Variants in SLC25A27 observed in about 807,000 individuals in gnomAD.
The protein encoded by SLC25A27 is solute carrier family 25 member 27.
A neutral mutation model predicts 49.1 loss-of-function variants in SLC25A27; 35 were observed. The observed-to-expected ratio is 0.71, with a 90% CI of 0.54 to 0.95. The LOEUF is 0.95. Ranked by LOEUF, SLC25A27 falls within the 40% of genes least tolerant of loss-of-function variation. The pLI is 0.00. For synonymous variants in SLC25A27, 144 were observed against 136.9 expected, an observed-to-expected ratio of 1.05 and a Z score of -0.36; for missense variants, 339 against 397.1, an observed-to-expected ratio of 0.85 and a Z score of 1.24.
At chr6:46,663,884 A>G (rs1763242434) in intron 4 of SLC25A27, among the ~76,000 whole-genome samples, 1 of 152,186 alleles carries the variant, frequency 6.6e-6, no homozygotes, top group South Asian at 2.1e-4. Context: ...TTAGAATCAT[A>G]TTATATACCT....
chr6:46,660,194 T>A (rs1340285212), intron 3 of SLC25A27, among the ~76,000 whole-genome samples: 1 of 150,114 alleles, frequency 6.7e-6, no homozygotes, highest in African/African-American at 2.5e-5. Context: ...AAGATTCCAC[T>A]GCCTGCACAT....
rs1562044730 is a variant in SLC25A27, at chr6:46,676,440, G to A, written c.958G>A (p.Val320Ile). ...TGAAAAAATCAGAGAGATGAGTGGA[G>A]TCAGTCCATTTTAAACCCCTAAAGA... ...TYEKIREMSGVSPF is the reference protein window; with the variant it reads ...TYEKIREMSGISPF The change falls in exon 9 of 9, where the codon GTC becomes ATC. Residue 320 changes from valine (V) to isoleucine (I), a missense_variant. Transcript: ENST00000371347. The A allele has an allele frequency of 1.2e-6, 2 of 1,613,944 alleles. No individual in the cohort carries two copies. Among genetic ancestry groups the A allele is most frequent in the Admixed American group, 1.7e-5 (1 of 60,012 alleles).
chr6:46,655,986 T>G lies in SLC25A27; in HGVS notation c.250T>G (p.Phe84Val). The G allele has an allele frequency of 2.1e-5, 34 of 1,612,444 alleles. 1 individual carries two copies. Among genetic ancestry groups the G allele is most frequent in the Non-Finnish European group, 2.9e-5 (34 of 1,179,416 alleles). ...TCTAGGGATCATTGAAGAGGAAGGC[T>G]TTCTAAAGCTTTGGCAAGGAGTGAC... ...TALGIIEEEG[F>V]LKLWQGVTPA... Residue 84 changes from phenylalanine (F) to valine (V), a missense_variant, in exon 2 of 9, where the codon TTT becomes GTT. Physicochemically the swap from Phe to Val is conservative, Grantham distance 50. Transcript: ENST00000371347.
chr6:46,653,562 G>A (rs1762848487), intron 1 of SLC25A27: 1 of 985,416 alleles, frequency 1.0e-6, no homozygotes, highest in Admixed American at 6.1e-5. Flanking sequence ...AAGAAGCTTC[G>A]CGAGCTGTCA....
At position 46,653,383 on chromosome 6, in the gene SLC25A27, C is replaced by T. The variant is rs1582490050; in HGVS notation, c.106+85C>T. On this transcript the variant is annotated intron_variant, in intron 1 of 8. Coordinates refer to ENST00000371347, the MANE Select transcript of SLC25A27 (RefSeq NM_004277.5). ...GGTGCGCGGGCGGCTTCGCGCCCGGCAGTGCGCATCGGAGAGGTCGCCCCT... is the reference window on the plus strand; with the variant it reads ...GGTGCGCGGGCGGCTTCGCGCCCGGTAGTGCGCATCGGAGAGGTCGCCCCT... 6.1e-6 allele frequency: 9 copies of T among 1,478,116 alleles called. No homozygotes were observed. The East Asian group carries it at 2.2e-4, about 37-fold the overall frequency. 91.6% of individuals were successfully genotyped at this position (1,478,116 alleles called of 1,614,324 possible). A position where few individuals can be genotyped will look rare whatever the true frequency, so the allele number is the denominator to read the frequency against.
chr6:46,658,521 G>T (rs546142480), intron 2 of SLC25A27: 2 of 449,816 alleles, frequency 4.4e-6, no homozygotes, highest in East Asian at 7.1e-5. Flanking sequence ...TGCCTGCTGC[G>T]TACCAAGGTA....
At chr6:46,670,880 G>A (rs1258503662) in intron 7 of SLC25A27, among the ~76,000 whole-genome samples, 1 of 152,110 alleles carries the variant, frequency 6.6e-6, no homozygotes, top group African/African-American at 2.4e-5. Flanking sequence ...TGGGACTACA[G>A]GCGCCTGCCA....
At chr6:46,654,383 G>A (rs896921310) in intron 1 of SLC25A27, among the ~76,000 whole-genome samples, 7 of 151,810 alleles carry the variant, frequency 4.6e-5, no homozygotes, top group African/African-American at 9.7e-5. Flanking sequence ...CTCTCCTTTC[G>A]AAAATGATGG....
intron 6 of SLC25A27, among the ~76,000 whole-genome samples, 157 bp from the exon 7 acceptor site, chr6:46,669,978 C>G (rs1763463830): frequency 6.6e-6 from 1 of 152,154 alleles, no homozygotes; most frequent in African/African-American, 2.4e-5. Context: ...GTTTTTCTAC[C>G]TCTTTAATTA....
At position 46,671,322 on chromosome 6, in the gene SLC25A27, A is replaced by G. The variant is rs1050059816; in HGVS notation, c.900+94A>G. ...TCCCTTTTCTCTTCTGGTTTGAAGC[A>G]TGGCCCTGCCCCCCAAATCAAGGTC... On this transcript the variant is annotated intron_variant, in intron 8 of 8. Coordinates refer to ENST00000371347, the MANE Select transcript of SLC25A27 (RefSeq NM_004277.5). The G allele has an allele frequency of 9.1e-6, 6 of 661,354 alleles. No homozygotes were observed. The East Asian group carries it at 1.6e-4, about 18-fold the overall frequency. 41.0% of individuals were successfully genotyped at this position (661,354 alleles called of 1,614,324 possible).
At chr6:46,674,769 TG>T (rs1329261504) in intron 8 of SLC25A27, among the ~76,000 whole-genome samples, 2 of 152,150 alleles carry the variant, frequency 1.3e-5, no homozygotes, top group African/African-American at 4.8e-5. Context: ...TCAAGCTATA[TG>T]GGTACTCAAG....
intron 2 of SLC25A27, among the ~76,000 whole-genome samples, chr6:46,657,896 A>G (rs996855665): frequency 6.6e-6 from 1 of 152,100 alleles, no homozygotes; most frequent in Admixed American, 6.5e-5. Flanking sequence ...GGCCTTAGTC[A>G]CCCTTAAAGG....
chr6:46,668,792 A>T lies in SLC25A27; in HGVS notation c.703A>T (p.Ser235Cys). The change falls in exon 6 of 9, where the codon AGT (serine) becomes TGT (cysteine). Residue 235 changes from serine to cysteine, a missense_variant and splice_region_variant. Coordinates refer to ENST00000371347, the MANE Select transcript of SLC25A27 (RefSeq NM_004277.5). ...CAATATCATGACTCACGGTTTATCA[A>T]GGTAAGGATTGTTTTAGTTGGACTC... ...EDNIMTHGLS[S>C]LCSGLVASIL... 1 of 1,572,364 alleles carries T rather than the reference A, an allele frequency of 6.4e-7. No homozygotes were observed. Among genetic ancestry groups the T allele is most frequent in the South Asian group, 1.1e-5 (1 of 88,606 alleles).
chr6:46,653,295 C>A lies in SLC25A27; in HGVS notation c.103C>A (p.Leu35Ile). 6.2e-7 allele frequency: 1 copy of A among 1,611,714 alleles called. No individual in the cohort carries two copies. ...CGGCTGCGCGGCTACCGTGGCCGAG[C>A]TAGGTACCCGGCTGCCCACGCCTGG... ...LSGCAATVAE[L>I]ATFPLDLTKT... The change falls in exon 1 of 9, where the codon CTA (leucine) becomes ATA (isoleucine). Residue 35 changes from leucine to isoleucine, a missense_variant. Leu to Ile is a conservative substitution (Grantham distance 5). Transcript: ENST00000371347.
At chr6:46,655,325 T>G (rs1368007187) in intron 1 of SLC25A27, among the ~76,000 whole-genome samples, 1 of 152,172 alleles carries the variant, frequency 6.6e-6, no homozygotes, top group Non-Finnish European at 1.5e-5. Context: ...CTAGCATTTG[T>G]TATAGTACAT....
At chr6:46,659,289 G>A (rs1319934120) in intron 3 of SLC25A27, among the ~76,000 whole-genome samples, 1 of 152,154 alleles carries the variant, frequency 6.6e-6, no homozygotes, top group Non-Finnish European at 1.5e-5. Flanking sequence ...TTCTTATAGA[G>A]TACCTTTTTA....
At chr6:46,658,932 G>T (rs768596122) in intron 2 of SLC25A27, 30 bp from the exon 3 acceptor site, 6 of 1,508,766 alleles carry the variant, frequency 4.0e-6, no homozygotes, top group Admixed American at 1.7e-5. Flanking sequence ...TATAGCCAAA[G>T]TTACCTTTTT....
intron 5 of SLC25A27, among the ~76,000 whole-genome samples, chr6:46,665,721 G>A (rs9472814): frequency 0.034 from 5,224 of 152,050 alleles, 229 homozygotes; most frequent in African/African-American, 0.11. Context: ...CCTCCTATAC[G>A]TACTACTTTA....
intron 4 of SLC25A27, 89 bp downstream of exon 4, chr6:46,662,587 T>C (rs1435480452): frequency 7.3e-7 from 1 of 1,362,012 alleles, no homozygotes; most frequent in Non-Finnish European, 1.0e-6. Context: ...TCATCCAGTA[T>C]GCAGTAAAGA....
Sources: gnomAD v4.1 joint callset for allele counts (sites outside exome capture counted in the v4.1 genomes callset) on GRCh38, gnomAD v4.1.1 for gene constraint, MANE v1.5 for transcripts, NCBI Gene and HGNC (gene_info 2026-07-23, HGNC 2026-07-21) for gene names.